Variants in C3orf52 observed in about 807,000 individuals in gnomAD.
C3orf52 encodes the protein TPA-induced transmembrane protein.
C3orf52 carries 22 observed loss-of-function variants against 24.8 expected under a neutral mutation model. The observed-to-expected ratio is 0.89, with a 90% CI of 0.63 to 1.27. The LOEUF is 1.27. C3orf52 is among the 50% of genes most tolerant of loss of function. C3orf52 has a pLI of 0.00. For synonymous variants in C3orf52, 93 were observed against 100.2 expected, an observed-to-expected ratio of 0.93 and a Z score of 0.43; for missense variants, 265 against 260.7, an observed-to-expected ratio of 1.02 and a Z score of -0.11.
downstream of C3orf52, chr3:112,120,775 G>C (rs1426273125): frequency 1.3e-5 from 2 of 152,186 alleles, no homozygotes; most frequent in East Asian, 3.9e-4. Context: ...GGAGTGCACA[G>C]CTTTCATTAG....
At chr3:112,125,074 G>C in intron 4 of C3orf52, 1 of 664,264 alleles carries the variant, frequency 1.5e-6, no homozygotes, top group Non-Finnish European at 2.7e-6. Context: ...ACCCGGCCCT[G>C]CACCTGCCAC....
intron 3 of C3orf52, among the ~76,000 whole-genome samples, chr3:112,106,766 CA>C (rs906831087): frequency 1.3e-5 from 2 of 152,194 alleles, no homozygotes; most frequent in Non-Finnish European, 2.9e-5. Flanking sequence ...GTTTTCCTCT[CA>C]GGGTTGGGGC....
downstream of C3orf52, chr3:112,133,239 G>C: frequency 9.6e-7 from 1 of 1,046,188 alleles, no homozygotes; most frequent in Non-Finnish European, 1.5e-6. Context: ...CACCCGTGCA[G>C]AGACAGCAGA....
At chr3:112,133,492 A>T (rs1369335242), downstream of C3orf52, 2 of 210,298 alleles carry the variant, frequency 9.5e-6, no homozygotes, top group African/African-American at 2.3e-5. Context: ...GTCTTCTTAG[A>T]AAAGTCAGAA....
intron 3 of C3orf52, among the ~76,000 whole-genome samples, chr3:112,105,539 CGTGTGTGTGTGT>C (rs3082397): frequency 1.4e-5 from 2 of 148,140 alleles, no homozygotes; most frequent in Middle Eastern, 3.2e-3. Flanking sequence ...CTTCTTTGGC[CGTGTGTGTGTGT>C]GTGTGTGTGT....
chr3:112,132,678 C>T (rs2074485631), downstream of C3orf52: 3 of 987,360 alleles, frequency 3.0e-6, no homozygotes, highest in South Asian at 9.4e-5. Flanking sequence ...CTCAAGGTGG[C>T]AGGAAGCTTG....
intron 5 of C3orf52, among the ~76,000 whole-genome samples, chr3:112,115,513 A>G (rs1459089963): frequency 6.6e-6 from 1 of 152,188 alleles, no homozygotes; most frequent in Non-Finnish European, 1.5e-5. Flanking sequence ...TTCAAAGAGC[A>G]AAGATTCTTA....
downstream of C3orf52, chr3:112,128,944 G>C (rs749040956): frequency 2.0e-5 from 3 of 152,188 alleles, no homozygotes; most frequent in Non-Finnish European, 4.4e-5. Flanking sequence ...ATCTCCCCCC[G>C]TGAGCTTTCC....
intron 3 of C3orf52, among the ~76,000 whole-genome samples, chr3:112,106,188 G>T (rs2074021598): frequency 6.6e-6 from 1 of 152,168 alleles, no homozygotes; most frequent in African/African-American, 2.4e-5. Context: ...TGGATTATTA[G>T]CTTGCTTTCC....
At chr3:112,091,759 C>T (rs1194728728) in intron 1 of C3orf52, among the ~76,000 whole-genome samples, 1 of 152,158 alleles carries the variant, frequency 6.6e-6, no homozygotes, top group African/African-American at 2.4e-5. Flanking sequence ...AATCCCAGCA[C>T]TTTGGGAGGT....
chr3:112,105,191 T>A (rs773700920), intron 3 of C3orf52, among the ~76,000 whole-genome samples: 2 of 152,242 alleles, frequency 1.3e-5, no homozygotes, highest in Non-Finnish European at 2.9e-5. Flanking sequence ...GTTTCTTCGC[T>A]GATAAATGGA....
chr3:112,097,205 G>C (rs1653157977), intron 2 of C3orf52, among the ~76,000 whole-genome samples: 1 of 152,104 alleles, frequency 6.6e-6, no homozygotes, highest in Non-Finnish European at 1.5e-5. Flanking sequence ...TGTTCTCAAG[G>C]GTTCTCCTTT....
downstream of C3orf52, chr3:112,123,214 A>G: frequency 1.2e-5 from 8 of 662,642 alleles, no homozygotes; most frequent in South Asian, 2.0e-5. Flanking sequence ...TCTCCAAACC[A>G]TGTAGAACCA....
At chr3:112,089,006 G>A (rs1424151108) in intron 1 of C3orf52, among the ~76,000 whole-genome samples, 1 of 152,150 alleles carries the variant, frequency 6.6e-6, no homozygotes, top group Non-Finnish European at 1.5e-5. Flanking sequence ...TGAGACAAAG[G>A]AATAGAAGCC....
rs1204186004 is a variant in C3orf52 at position 112,116,739 on chromosome 3, G to GATT, written c.*95_*97dup. ...TCTGTTTTGCAGAAAAGATTCTGTG[G>GATT]ATTAATACAGAAGCACCAGCAACAC... On this transcript the variant is annotated 3_prime_UTR_variant, in exon 6 of 6. Coordinates refer to ENST00000264848, the MANE Select transcript of C3orf52 (RefSeq NM_024616.3). 1.9e-5 allele frequency: 30 copies of GATT among 1,554,018 alleles called. No individual in the cohort carries two copies. The Admixed American group carries it at 4.9e-4, about 25-fold the overall frequency.
downstream of C3orf52, chr3:112,133,181 T>C: frequency 6.4e-7 from 1 of 1,564,712 alleles, no homozygotes; most frequent in Non-Finnish European, 8.8e-7. Flanking sequence ...TGCCTTGTGC[T>C]CTGACAGGGC....
chr3:112,125,001 G>T (rs1184308517), intron 4 of C3orf52, among the ~76,000 whole-genome samples: 2 of 152,234 alleles, frequency 1.3e-5, no homozygotes, highest in Non-Finnish European at 2.9e-5. Context: ...CATAAATGAA[G>T]TGGTCAGTAA....
At chr3:112,128,210 G>T in intron 4 of C3orf52, 1 of 724,328 alleles carries the variant, frequency 1.4e-6, no homozygotes, top group South Asian at 1.5e-5. Flanking sequence ...ATCTCTCATG[G>T]TAGAATGCCT....
At chr3:112,114,832 G>C (rs2074120765) in intron 5 of C3orf52, among the ~76,000 whole-genome samples, 1 of 152,196 alleles carries the variant, frequency 6.6e-6, no homozygotes, top group Non-Finnish European at 1.5e-5. Flanking sequence ...ATTGTTACTG[G>C]CTCTTTCCAA....
Sources: gnomAD v4.1 joint callset for allele counts (sites outside exome capture counted in the v4.1 genomes callset) on GRCh38, gnomAD v4.1.1 for gene constraint, MANE v1.5 for transcripts, NCBI Gene and HGNC (gene_info 2026-07-23, HGNC 2026-07-21) for gene names.